The following ANK2 variants were observed in gnomAD, a reference collection of about 807,000 sequenced individuals.
ANK2 encodes ankyrin-2.
A neutral mutation model predicts 360.5 loss-of-function variants in ANK2; 83 were observed. That is an observed-to-expected ratio of 0.23 (90% CI 0.19 to 0.28). The LOEUF is 0.28. Among genes scored for constraint, ANK2 ranks in the 10% least tolerant of loss-of-function variants. The pLI, the probability that ANK2 is intolerant of heterozygous loss-of-function variation, is 1.00. For synonymous variants in ANK2, 1,740 were observed against 1,759.5 expected, an observed-to-expected ratio of 0.99 and a Z score of 0.28; for missense variants, 4,201 against 4,795.7, an observed-to-expected ratio of 0.88 and a Z score of 3.66.
At chr4:113,148,620 A>T (rs570784936) in intron 1 of ANK2, among the ~76,000 whole-genome samples, 1 of 152,314 alleles carries the variant, frequency 6.6e-6, no homozygotes, top group East Asian at 1.9e-4. Context: ...TAGCTGACTC[A>T]AAAGGTAATA....
At chr4:113,216,126 C>G (rs1458332985) in intron 4 of ANK2, among the ~76,000 whole-genome samples, 1 of 152,166 alleles carries the variant, frequency 6.6e-6, no homozygotes, top group Admixed American at 6.5e-5. Context: ...GCAAGCATTT[C>G]TGGCATAACT....
intron 2 of ANK2, among the ~76,000 whole-genome samples, chr4:112,956,243 G>T (rs947157244): frequency 5.9e-5 from 9 of 152,110 alleles, no homozygotes; most frequent in Non-Finnish European, 1.2e-4. Flanking sequence ...GTAAGTTTTT[G>T]CAGGTTGAGG....
At chr4:113,255,965 C>T (rs2049063115) in intron 11 of ANK2, 33 bp downstream of exon 11, 1 of 1,601,140 alleles carries the variant, frequency 6.2e-7, no homozygotes, top group Admixed American at 1.7e-5. Context: ...TAACTGAATA[C>T]AGATTGAGAC....
rs773671921 is a variant in ANK2, at chr4:113,357,864, C to A, written c.9246C>A (p.Thr3082=). The part of the protein sequence containing the change: ...DRQSQGTTPD[T]TPARTPTEEG... ...AATCACAGGGTACCACCCCTGACAC[C>A]ACTCCTGCTAGGACCCCAACTGAAG... The change falls in exon 38 of 46, where the codon ACC becomes ACA. Residue 3082 remains threonine, a synonymous_variant. Coordinates refer to ENST00000357077, the MANE Select transcript of ANK2 (RefSeq NM_001148.6). The A allele has an allele frequency of 1.2e-6, 2 of 1,614,042 alleles. No homozygotes were observed. Among genetic ancestry groups the A allele is most frequent in the Non-Finnish European group, 8.5e-7 (1 of 1,179,964 alleles).
At position 113,381,616 on chromosome 4, in the gene ANK2, G is replaced by A. The variant is rs1276271585; in HGVS notation, c.*145G>A. 4 of 1,562,256 alleles carry A rather than the reference G, an allele frequency of 2.6e-6. No homozygotes were observed. The highest frequency in any genetic ancestry group is 1.7e-6 in the Non-Finnish European group (2 of 1,152,086). Reference sequence around the variant, plus strand: ...AGCTCCTTCGGCATTTCTGCAAGGAGGACTTGAAGCAAGAGGCCAAGTGAG... The same window carrying A: ...AGCTCCTTCGGCATTTCTGCAAGGAAGACTTGAAGCAAGAGGCCAAGTGAG... On this transcript the variant is annotated 3_prime_UTR_variant, in exon 46 of 46. Coordinates refer to ENST00000357077, the MANE Select transcript of ANK2 (RefSeq NM_001148.6).
At position 112,990,486 on chromosome 4, in the gene ANK2, GT is replaced by G. The variant is rs554077979; in HGVS notation, c.21+85982del. On this transcript the variant is annotated intron_variant, in intron 2 of 30. Transcript: ENST00000503271. ...TTATGTCCAGCATGTTTGTCAGAGG[GT>G]TTTTTTTTTATACCTGTCTTGGTGT... is the stretch of plus-strand genomic sequence containing the variant. Among the ~76,000 whole-genome samples, 376 of 146,936 alleles carry G rather than the reference GT, an allele frequency of 2.6e-3. 2 individuals carry two copies. The highest frequency in any genetic ancestry group is 7.5e-3 in the African/African-American group (302 of 40,134).
In ANK2 at chr4:113,354,737, G is replaced by A; in HGVS notation, c.6119G>A (p.Arg2040Lys). 2.5e-6 allele frequency: 4 copies of A among 1,613,656 alleles called. No individual in the cohort carries two copies. Among genetic ancestry groups the A allele is most frequent in the Non-Finnish European group, 3.4e-6 (4 of 1,179,936 alleles). Residue 2040 changes from arginine to lysine, a missense_variant, in exon 38 of 46, where the codon AGA (arginine) becomes AAA (lysine). Arg to Lys is a conservative substitution (Grantham distance 26). This residue lies in a region of ANK2 where 2,642 missense variants were observed against 2,714.5 expected (regional missense o/e 0.97). Transcript: ENST00000357077. ...GAAAAGGGGCCGATACTAACCCAGA[G>A]AGAAGCTCAGAAAACAGAGAATCAG... Reference protein sequence around the residue: ...EKEKGPILTQREAQKTENQTI... With the variant: ...EKEKGPILTQKEAQKTENQTI...
At chr4:113,223,789 T>C (rs2099180939) in intron 4 of ANK2, among the ~76,000 whole-genome samples, 1 of 152,114 alleles carries the variant, frequency 6.6e-6, no homozygotes, top group African/African-American at 2.4e-5. Flanking sequence ...AAAACAGCAA[T>C]AAATATTATC....
chr4:112,970,915 C>T (rs2039303252), intron 2 of ANK2, among the ~76,000 whole-genome samples: 2 of 152,070 alleles, frequency 1.3e-5, no homozygotes, highest in South Asian at 4.2e-4. Context: ...TTTAGCCATT[C>T]CACAATGCAT....
rs375042133 is a variant in ANK2 at position 113,117,510 on chromosome 4, A to G, written c.85-56906A>G. ...GGCAACTTCATCCTCCCTTCCTTCC[A>G]TCATTCCCCTGCACCATTTCTAAGC... On this transcript the variant is annotated intron_variant, in intron 1 of 45. Transcript: ENST00000357077. 8 of 429,472 alleles carry G rather than the reference A, an allele frequency of 1.9e-5. No homozygotes were observed. In the East Asian group the frequency reaches 2.8e-4, roughly 15 times the overall value. 26.6% of individuals were successfully genotyped at this position (429,472 alleles called of 1,614,324 possible). A position where few individuals can be genotyped will look rare whatever the true frequency, so the allele number is the denominator to read the frequency against.
the ANK2 span, among the ~76,000 whole-genome samples, chr4:112,761,468 A>G: frequency 6.6e-6 from 1 of 152,074 alleles, no homozygotes; most frequent in Admixed American, 6.5e-5. Flanking sequence ...AAAATACAAA[A>G]AATTAGCTTG....
At chr4:112,838,531 T>A (rs572608325) in intron 1 of ANK2, among the ~76,000 whole-genome samples, 1 of 152,330 alleles carries the variant, frequency 6.6e-6, no homozygotes, top group East Asian at 1.9e-4. Context: ...CTCTTGGACT[T>A]CCTACCTCAT....
chr4:113,321,200 C>G (rs555657209), intron 26 of ANK2, among the ~76,000 whole-genome samples: 4 of 152,268 alleles, frequency 2.6e-5, no homozygotes, highest in African/African-American at 9.6e-5. Flanking sequence ...CATAGGGGAG[C>G]TTTAATAGCT....
chr4:112,781,779 T>G, the ANK2 span, among the ~76,000 whole-genome samples: 2 of 152,144 alleles, frequency 1.3e-5, no homozygotes, highest in Non-Finnish European at 2.9e-5. Context: ...ACAGTGACTA[T>G]TTTTGATAAT....
intron 1 of ANK2, among the ~76,000 whole-genome samples, chr4:112,828,040 A>T (rs1215584662): frequency 6.6e-6 from 1 of 152,184 alleles, no homozygotes; most frequent in Non-Finnish European, 1.5e-5. Context: ...AGAACAGGTT[A>T]GAGAACACAG....
At chr4:113,194,212 G>A (rs1326211368) in intron 2 of ANK2, among the ~76,000 whole-genome samples, 1 of 152,164 alleles carries the variant, frequency 6.6e-6, no homozygotes, top group Non-Finnish European at 1.5e-5. Context: ...ATAATAAGGT[G>A]AAAAACAGTT....
At chr4:113,075,308 C>A (rs377238890) in intron 1 of ANK2, among the ~76,000 whole-genome samples, 1 of 152,148 alleles carries the variant, frequency 6.6e-6, no homozygotes, top group East Asian at 1.9e-4. Flanking sequence ...ATATATGTCA[C>A]CCTATATATC....
chr4:113,344,798 C>T (rs1230575171), intron 34 of ANK2, among the ~76,000 whole-genome samples: 1 of 152,130 alleles, frequency 6.6e-6, no homozygotes, highest in Non-Finnish European at 1.5e-5. Flanking sequence ...TATGAGGTAC[C>T]TAGGGTAGTC....
intron 1 of ANK2, among the ~76,000 whole-genome samples, chr4:112,857,899 G>T (rs2066855007): frequency 6.6e-6 from 1 of 152,192 alleles, no homozygotes; most frequent in Non-Finnish European, 1.5e-5. Flanking sequence ...GAGCTCCTGA[G>T]TGATGCTAAT....
Sources: allele counts gnomAD v4.1 joint callset (sites outside exome capture counted in the v4.1 genomes callset), GRCh38; gene constraint gnomAD v4.1.1; regional missense constraint gnomAD v4.1.1; transcripts MANE v1.5; gene names NCBI Gene and HGNC (gene_info 2026-07-23, HGNC 2026-07-21).